The following GUCA1C variants were observed in gnomAD, a reference collection of about 807,000 sequenced individuals.
The protein encoded by GUCA1C is guanylyl cyclase-activating protein 3.
A neutral mutation model predicts 16.2 loss-of-function variants in GUCA1C; 15 were observed. That is an observed-to-expected ratio of 0.93 (90% CI 0.62 to 1.43). GUCA1C has a LOEUF of 1.43. Among genes scored for constraint, GUCA1C ranks in the 40% most tolerant of loss-of-function variants. GUCA1C has a pLI of 0.00. For synonymous variants in GUCA1C, 78 were observed against 85.4 expected (o/e 0.91, Z 0.48); for missense variants, 275 against 244.8 (o/e 1.12, Z -0.82).
intron 1 of GUCA1C, among the ~76,000 whole-genome samples, chr3:108,923,498 C>A (rs1946590294): frequency 6.6e-6 from 1 of 152,148 alleles, no homozygotes. Flanking sequence ...CTACTCTGTT[C>A]TATTTGTCTA....
At chr3:108,945,094 G>A (rs1946831156) in intron 1 of GUCA1C, among the ~76,000 whole-genome samples, 1 of 152,206 alleles carries the variant, frequency 6.6e-6, no homozygotes, top group African/African-American at 2.4e-5. Context: ...CAGAGTGCAG[G>A]TGCATTCCCA....
intron 2 of GUCA1C, among the ~76,000 whole-genome samples, chr3:108,916,986 A>ACT (rs564374757): frequency 7.9e-5 from 12 of 151,906 alleles, no homozygotes; most frequent in Admixed American, 2.6e-4. Flanking sequence ...CATAAATATG[A>ACT]CTCTCTCTCT....
At chr3:108,927,854 G>A (rs555062260) in intron 1 of GUCA1C, among the ~76,000 whole-genome samples, 1 of 152,224 alleles carries the variant, frequency 6.6e-6, no homozygotes, top group African/African-American at 2.4e-5. Context: ...TATAACAGAG[G>A]GAAGAACTGA....
At chr3:108,909,713 C>G (rs78482294) in intron 3 of GUCA1C, among the ~76,000 whole-genome samples, 3,227 of 152,236 alleles carry the variant, frequency 0.021, 132 homozygotes, top group African/African-American at 0.074. Flanking sequence ...ATGGAAAAGA[C>G]AGAAAAGATG....
chr3:108,936,932 C>A (rs143369312), intron 1 of GUCA1C, among the ~76,000 whole-genome samples: 1 of 152,266 alleles, frequency 6.6e-6, no homozygotes, highest in East Asian at 1.9e-4. Flanking sequence ...CTCTTTTTAT[C>A]CTCCTCTGCT....
At chr3:108,920,767 A>G (rs1576546700) in intron 1 of GUCA1C, among the ~76,000 whole-genome samples, 182 bp from the exon 2 acceptor site, 1 of 152,166 alleles carries the variant, frequency 6.6e-6, no homozygotes, top group Non-Finnish European at 1.5e-5. Context: ...AGTGACTTTA[A>G]TTTTACAATT....
intron 3 of GUCA1C, among the ~76,000 whole-genome samples, chr3:108,915,609 T>C (rs1946501245): frequency 1.3e-5 from 2 of 151,950 alleles, no homozygotes. Flanking sequence ...GAAATGTAGA[T>C]AGAAAAGGTA....
At chr3:108,931,991 C>T (rs1378579743) in intron 1 of GUCA1C, among the ~76,000 whole-genome samples, 1 of 150,866 alleles carries the variant, frequency 6.6e-6, no homozygotes, top group Non-Finnish European at 1.5e-5. Flanking sequence ...ACTGGGACTA[C>T]AGGCGCCCAC....
intron 1 of GUCA1C, among the ~76,000 whole-genome samples, chr3:108,936,369 C>T (rs1281849519): frequency 6.6e-6 from 1 of 152,104 alleles, no homozygotes; most frequent in Non-Finnish European, 1.5e-5. Flanking sequence ...AGCCTATGTC[C>T]TGGACACTGT....
chr3:108,951,376 T>C (rs9871704), intron 1 of GUCA1C, among the ~76,000 whole-genome samples: 23,316 of 152,206 alleles, frequency 0.15, 1,961 homozygotes, highest in Middle Eastern at 0.26. Context: ...TATCCATATG[T>C]ATCTCATAAC....
intron 3 of GUCA1C, among the ~76,000 whole-genome samples, chr3:108,910,709 G>A (rs1195967850): frequency 1.3e-5 from 2 of 151,246 alleles, no homozygotes; most frequent in African/African-American, 2.4e-5. Flanking sequence ...GAGTGCAGTG[G>A]GGCTATCTCG....
chr3:108,910,991 C>A (rs1052970082), intron 3 of GUCA1C, among the ~76,000 whole-genome samples: 1 of 152,096 alleles, frequency 6.6e-6, no homozygotes, highest in Non-Finnish European at 1.5e-5. Flanking sequence ...AGAAACTTCA[C>A]GATTTTATTT....
chr3:108,945,195 G>C (rs1207229361), intron 1 of GUCA1C, among the ~76,000 whole-genome samples: 1 of 152,360 alleles, frequency 6.6e-6, no homozygotes, highest in South Asian at 2.1e-4. Context: ...TGCAGTCCCT[G>C]CCCACTTTCA....
At chr3:108,908,808 T>A (rs965181765) in intron 3 of GUCA1C, among the ~76,000 whole-genome samples, 3 of 152,238 alleles carry the variant, frequency 2.0e-5, no homozygotes, top group Non-Finnish European at 1.5e-5. Context: ...CTTATATCCA[T>A]GTGTCCTGGC....
intron 3 of GUCA1C, among the ~76,000 whole-genome samples, chr3:108,913,524 T>C (rs1946477601): frequency 6.6e-6 from 1 of 152,124 alleles, no homozygotes; most frequent in African/African-American, 2.4e-5. Flanking sequence ...TTCATCACTT[T>C]TTCTTCCTTG....
intron 3 of GUCA1C, among the ~76,000 whole-genome samples, chr3:108,911,094 G>T (rs750371526): frequency 1.3e-5 from 2 of 152,124 alleles, no homozygotes; most frequent in African/African-American, 2.4e-5. Context: ...GGACCCTGAA[G>T]GTCAGTATCA....
chr3:108,923,634 C>CT (rs1000053057), intron 1 of GUCA1C, among the ~76,000 whole-genome samples: 13 of 151,626 alleles, frequency 8.6e-5, no homozygotes, highest in East Asian at 1.9e-4. Context: ...GCTATGCAGG[C>CT]TTTTTTTTGT....
intron 1 of GUCA1C, among the ~76,000 whole-genome samples, chr3:108,928,594 T>C (rs1474965982): frequency 6.6e-6 from 1 of 152,244 alleles, no homozygotes; most frequent in Non-Finnish European, 1.5e-5. Context: ...GGTCTCTGAT[T>C]CATTTTGAGT....
Position 108,916,137 on chromosome 3 carries a change from T to C in GUCA1C, c.432A>G (p.Ile144Met), listed in dbSNP as rs141596321. ...GAGTAGCTCCATTACCATCATTGTT[T>C]ATATCGATCTTATGGAACACCAAGT... ...FINLVFHKID[I>M]NNDGELTLEE... Residue 144 changes from isoleucine (I) to methionine (M), a missense_variant, in exon 3 of 4, where the codon ATA becomes ATG. Coordinates refer to ENST00000261047, the MANE Select transcript of GUCA1C (RefSeq NM_005459.4). 1.1e-5 allele frequency: 18 copies of C among 1,612,424 alleles called. No homozygotes were observed. The highest frequency in any genetic ancestry group is 6.7e-5 in the Admixed American group (4 of 59,992).
Sources: gnomAD v4.1 joint callset for allele counts (sites outside exome capture counted in the v4.1 genomes callset) on GRCh38, gnomAD v4.1.1 for gene constraint, MANE v1.5 for transcripts, NCBI Gene and HGNC (gene_info 2026-07-23, HGNC 2026-07-21) for gene names.